PSD3: variants seen among roughly 807,000 people sequenced by gnomAD.
PSD3 encodes the protein PH and SEC7 domain-containing protein 3.
In PSD3, 49 loss-of-function variants were observed where a neutral mutation model predicts 105.5. The observed-to-expected ratio is 0.46, with a 90% confidence interval of 0.37 to 0.59. PSD3 has a LOEUF of 0.59. Ranked by LOEUF, PSD3 falls within the 20% of genes least tolerant of loss-of-function variation. The probability of loss-of-function intolerance (pLI) is 0.00; values close to 1 mark genes in which losing one functional copy is unlikely to be tolerated. For missense variants in PSD3, 1,561 were observed against 1,263.8 expected (o/e 1.24, Z -3.57); for synonymous variants, 557 against 457.8 (o/e 1.22, Z -2.77).
intron 9 of PSD3, among the ~76,000 whole-genome samples, chr8:18,758,539 T>C (rs1806251444): frequency 6.6e-6 from 1 of 152,112 alleles, no homozygotes. Context: ...CTGATTCATC[T>C]GTTGTTCTTT....
At chr8:18,997,009 G>C (rs574700046) in intron 1 of PSD3, among the ~76,000 whole-genome samples, 1 of 151,734 alleles carries the variant, frequency 6.6e-6, no homozygotes, top group East Asian at 1.9e-4. Context: ...CCCCTCATTC[G>C]CTGCTTTCCT....
Position 18,573,275 on chromosome 8 carries a change from G to C in PSD3, c.2640-603C>G, listed in dbSNP as rs10086183. ...ACGTGAGGTCAGGAGTTCAAGACCA[G>C]CCTGGCCAACATGGTGAAACCCCAT... On this transcript the variant is annotated intron_variant, in intron 13 of 15. Coordinates refer to ENST00000327040, the MANE Select transcript of PSD3 (RefSeq NM_015310.4). Among the ~76,000 whole-genome samples the C allele has an allele frequency of 3.0e-3, 453 of 152,252 alleles. 4 individuals are homozygous for C. Among genetic ancestry groups the C allele is most frequent in the African/African-American group, 0.01 (425 of 41,554 alleles).
At chr8:18,842,695 C>T (rs568590249) in intron 4 of PSD3, among the ~76,000 whole-genome samples, 3 of 151,524 alleles carry the variant, frequency 2.0e-5, no homozygotes, top group East Asian at 3.9e-4. Context: ...ATAGCGCCAC[C>T]GCACTCCAGC....
chr8:18,886,673 G>A (rs950086046), intron 2 of PSD3, among the ~76,000 whole-genome samples: 7 of 152,166 alleles, frequency 4.6e-5, no homozygotes, highest in Non-Finnish European at 1.0e-4. Flanking sequence ...TCAGTTTAAC[G>A]CTTGAGAAAA....
chr8:18,627,269 G>A (rs560352872), intron 11 of PSD3, among the ~76,000 whole-genome samples: 36 of 152,000 alleles, frequency 2.4e-4, no homozygotes, highest in South Asian at 1.2e-3. Context: ...TTAGTGATGC[G>A]GAGATAAGAA....
At chr8:19,064,301 C>T (rs1203003210) in intron 1 of PSD3, among the ~76,000 whole-genome samples, 1 of 152,052 alleles carries the variant, frequency 6.6e-6, no homozygotes, top group African/African-American at 2.4e-5. Context: ...CATGAGAATG[C>T]TTAAATGGCT....
chr8:18,976,266 A>G (rs569711968), intron 1 of PSD3, among the ~76,000 whole-genome samples: 151 of 152,368 alleles, frequency 9.9e-4, no homozygotes, highest in African/African-American at 3.5e-3. Context: ...ACAGTTCACA[A>G]AAAAAGAAAT....
At chr8:18,717,299 C>G (rs548914072) in intron 9 of PSD3, among the ~76,000 whole-genome samples, 4 of 151,912 alleles carry the variant, frequency 2.6e-5, no homozygotes, top group African/African-American at 7.3e-5. Flanking sequence ...TCTTAAGGAG[C>G]AGAACCACTT....
intron 14 of PSD3, among the ~76,000 whole-genome samples, chr8:18,569,335 T>C (rs1802001605): frequency 7.2e-6 from 1 of 139,690 alleles, no homozygotes; most frequent in Non-Finnish European, 1.5e-5. Context: ...AGTGTAAAAG[T>C]GTTCCTATTT....
intron 12 of PSD3, among the ~76,000 whole-genome samples, chr8:18,589,188 GAAGCTTATAGGACTCCACAGGAAAAC>G (rs1481831012): frequency 2.0e-5 from 3 of 152,148 alleles, no homozygotes; most frequent in African/African-American, 7.2e-5. Context: ...TTATAAACTA[GAAGCTTATAGGACTCCACAGGAAAAC>G]AAGCTTATAG....
intron 1 of PSD3, among the ~76,000 whole-genome samples, chr8:18,967,729 T>C (rs558022246): frequency 6.6e-6 from 1 of 152,116 alleles, no homozygotes; most frequent in African/African-American, 2.4e-5. Context: ...TTATATTTAC[T>C]AAAAATATCT....
At chr8:19,056,368 G>T (rs1439515205) in intron 1 of PSD3, among the ~76,000 whole-genome samples, 1 of 152,116 alleles carries the variant, frequency 6.6e-6, no homozygotes, top group South Asian at 2.1e-4. Context: ...AAATTTCTTG[G>T]AACTGTTCCT....
At chr8:18,677,770 G>A (rs1800140890) in intron 9 of PSD3, among the ~76,000 whole-genome samples, 2 of 152,142 alleles carry the variant, frequency 1.3e-5, no homozygotes, top group South Asian at 4.1e-4. Context: ...TCAGCACTGT[G>A]GGAGGCGAGG....
intron 12 of PSD3, among the ~76,000 whole-genome samples, chr8:18,586,746 C>A (rs371993716): frequency 6.6e-6 from 1 of 152,132 alleles, no homozygotes; most frequent in African/African-American, 2.4e-5. Flanking sequence ...TACTACCCCC[C>A]TCATTTATCC....
At chr8:19,054,915 GAA>G (rs1828658075) in intron 1 of PSD3, among the ~76,000 whole-genome samples, 1 of 152,144 alleles carries the variant, frequency 6.6e-6, no homozygotes, top group Non-Finnish European at 1.5e-5. Context: ...CCAGCAGAAA[GAA>G]AATTTGTGAT....
intron 9 of PSD3, among the ~76,000 whole-genome samples, chr8:18,755,411 C>A (rs1456657847): frequency 6.9e-6 from 1 of 143,964 alleles, no homozygotes; most frequent in Non-Finnish European, 1.5e-5. Flanking sequence ...GCCTGGGCAA[C>A]AGAGTGAGAC....
chr8:18,651,117 A>C (rs1016500938), intron 10 of PSD3, among the ~76,000 whole-genome samples: 2 of 152,198 alleles, frequency 1.3e-5, no homozygotes, highest in African/African-American at 2.4e-5. Flanking sequence ...AAAAGAGATA[A>C]AAGTGGAGCT....
At chr8:18,578,457 TCTC>T (rs1802596852) in intron 12 of PSD3, among the ~76,000 whole-genome samples, 2 of 152,144 alleles carry the variant, frequency 1.3e-5, no homozygotes, top group Admixed American at 1.3e-4. Flanking sequence ...TCCTGGTTTC[TCTC>T]CTACCTCTCT....
intron 12 of PSD3, among the ~76,000 whole-genome samples, chr8:18,587,877 A>G (rs1803309015): frequency 6.6e-6 from 1 of 152,056 alleles, no homozygotes; most frequent in Admixed American, 6.6e-5. Context: ...TAAACCCCAA[A>G]CCACCTTGTA....
Sources: gnomAD v4.1 joint callset for allele counts (sites outside exome capture counted in the v4.1 genomes callset) on GRCh38, gnomAD v4.1.1 for gene constraint, MANE v1.5 for transcripts, NCBI Gene and HGNC (gene_info 2026-07-23, HGNC 2026-07-21) for gene names.